The following TMED5 variants were observed in gnomAD, a reference collection of about 807,000 sequenced individuals.
The protein encoded by TMED5 is transmembrane emp24 domain-containing protein 5.
In TMED5, 27 loss-of-function variants were observed where a neutral mutation model predicts 23.0. The observed-to-expected ratio is 1.17, with a 90% CI of 0.86 to 1.62. TMED5 has a LOEUF of 1.62. TMED5 is among the 40% of genes most tolerant of loss of function. TMED5 has a pLI of 0.00. For synonymous variants in TMED5, 97 were observed against 100.8 expected (o/e 0.96, Z 0.23); for missense variants, 248 against 273.7 (o/e 0.91, Z 0.66).
In TMED5 at chr1:93,152,678, C is replaced by T. The variant is rs1375596964; in HGVS notation, c.*1992G>A. The T allele has an allele frequency of 6.6e-6, 1 of 152,566 alleles. No homozygotes were observed. The highest frequency in any genetic ancestry group is 2.4e-5 in the African/African-American group (1 of 41,396). The allele number at this position is 152,566 out of a possible 1,614,324, so 9.5% of individuals were successfully genotyped here. On this transcript the variant is annotated 3_prime_UTR_variant, in exon 4 of 4. Transcript: ENST00000370282. ...TCAGAGAGTACAGTACAGTAACAGC[C>T]ATACAGGAGAGGTAGAATTCTTAAT...
At position 93,154,583 on chromosome 1, in the gene TMED5, G is replaced by T; in HGVS notation, c.*87C>A. 3 of 831,514 alleles carry T rather than the reference G, an allele frequency of 3.6e-6. No homozygotes were observed. The highest frequency in any genetic ancestry group is 3.4e-5 in the South Asian group (2 of 58,788). 51.5% of individuals were successfully genotyped at this position (831,514 alleles called of 1,614,324 possible). ...CTACTTTTATATCTCAAAATATTTT[G>T]GAGAAGACCATTAATGGTCTTGACT... is the stretch of plus-strand genomic sequence containing the variant. On this transcript the variant is annotated 3_prime_UTR_variant, in exon 4 of 4. Coordinates refer to ENST00000370282, the MANE Select transcript of TMED5 (RefSeq NM_016040.5).
At chr1:93,164,954 G>A (rs1648437684) in intron 1 of TMED5, among the ~76,000 whole-genome samples, 1 of 152,184 alleles carries the variant, frequency 6.6e-6, no homozygotes, top group African/African-American at 2.4e-5. Context: ...CCTCTTACTT[G>A]CTCTGATGAA....
At chr1:93,160,060 T>A in intron 2 of TMED5, 69 bp downstream of exon 2, 3 of 904,290 alleles carry the variant, frequency 3.3e-6, no homozygotes, top group Non-Finnish European at 5.4e-6. Context: ...ATGTGCTAAC[T>A]TTCCATGCCC....
intron 3 of TMED5, among the ~76,000 whole-genome samples, chr1:93,155,341 A>G (rs891737170): frequency 2.0e-5 from 3 of 152,156 alleles, no homozygotes; most frequent in Non-Finnish European, 4.4e-5. Context: ...TACATTAGAG[A>G]TTCTCTGTAA....
intron 1 of TMED5, chr1:93,163,246 A>G (rs1381753202): frequency 6.6e-6 from 1 of 152,108 alleles, no homozygotes; most frequent in Non-Finnish European, 1.5e-5. Flanking sequence ...AGTAAAACAA[A>G]GTTAAAAAGC....
At position 93,169,663 on chromosome 1, in the gene TMED5, T is replaced by G. The variant is rs1648634848; in HGVS notation, c.190-9437A>C. 3.3e-5 allele frequency among the ~76,000 whole-genome samples: 5 copies of G among 150,068 alleles called. No homozygotes were observed. In the South Asian group the frequency reaches 1.0e-3, roughly 32 times the overall value. On this transcript the variant is annotated intron_variant, in intron 1 of 3. Coordinates refer to ENST00000370282, the MANE Select transcript of TMED5 (RefSeq NM_016040.5). ...ATCAATAAAACTAACAAACCTCTAG[T>G]CAGGCAAACCAAGAAAAAAAAGAGA...
At chr1:93,177,395 T>C (rs1232352451) in intron 1 of TMED5, among the ~76,000 whole-genome samples, 3 of 151,938 alleles carry the variant, frequency 2.0e-5, no homozygotes, top group Non-Finnish European at 4.4e-5. Flanking sequence ...CTGGCCAACA[T>C]AGTGAAACCC....
In TMED5 at chr1:93,151,895, C is replaced by T. The variant is rs546452165; in HGVS notation, c.*2775G>A. On this transcript the variant is annotated 3_prime_UTR_variant, in exon 4 of 4. Transcript: ENST00000370282. ...TATATACATATCAGTACTCACAATACGTTGCTTATTTAAGATGGCTGTTTA... is the reference window on the plus strand; with the variant it reads ...TATATACATATCAGTACTCACAATATGTTGCTTATTTAAGATGGCTGTTTA... 6 of 152,300 alleles carry T rather than the reference C, an allele frequency of 3.9e-5. No individual in the cohort carries two copies. Among genetic ancestry groups the T allele is most frequent in the South Asian group, 4.1e-4 (2 of 4,828 alleles). The allele number at this position is 152,300 out of a possible 1,614,324, so 9.4% of individuals were successfully genotyped here. A position where few individuals can be genotyped will look rare whatever the true frequency, so the allele number is the denominator to read the frequency against.
In TMED5 at chr1:93,152,632, A is replaced by G. The variant is rs1431791033; in HGVS notation, c.*2038T>C. 1 of 152,628 alleles carries G rather than the reference A, an allele frequency of 6.6e-6. No homozygotes were observed. The highest frequency in any genetic ancestry group is 2.4e-5 in the African/African-American group (1 of 41,454). 9.5% of individuals were successfully genotyped at this position (152,628 alleles called of 1,614,324 possible). On this transcript the variant is annotated 3_prime_UTR_variant, in exon 4 of 4. Coordinates refer to ENST00000370282, the MANE Select transcript of TMED5 (RefSeq NM_016040.5). Reference sequence around the variant, plus strand: ...CATACATGTAGAAGATTATGTAACAAATTCATTGTTAGGTAAGGAGTCAGA... The same window carrying G: ...CATACATGTAGAAGATTATGTAACAGATTCATTGTTAGGTAAGGAGTCAGA...
chr1:93,158,034 G>A (rs1245126829), intron 2 of TMED5, among the ~76,000 whole-genome samples: 1 of 147,608 alleles, frequency 6.8e-6, no homozygotes, highest in Non-Finnish European at 1.5e-5. Context: ...CGAGGCAGGA[G>A]AATGGCGTGA....
rs1557570526 is a variant in TMED5 at position 93,154,158 on chromosome 1, A to G, written c.*512T>C. ...TCAAAGCTATTATTCTATTTACATTATAGGAGAGATGCATATGTAAATAGA... is the reference window on the plus strand; with the variant it reads ...TCAAAGCTATTATTCTATTTACATTGTAGGAGAGATGCATATGTAAATAGA... On this transcript the variant is annotated 3_prime_UTR_variant, in exon 4 of 4. Coordinates refer to ENST00000370282, the MANE Select transcript of TMED5 (RefSeq NM_016040.5). 6.5e-6 allele frequency: 1 copy of G among 154,008 alleles called. No homozygotes were observed. 9.5% of individuals were successfully genotyped at this position (154,008 alleles called of 1,614,324 possible). A position where few individuals can be genotyped will look rare whatever the true frequency, so the allele number is the denominator to read the frequency against.
rs192817355 is a variant in TMED5 at position 93,179,052 on chromosome 1, A to C, written c.189+1002T>G. Among the ~76,000 whole-genome samples the C allele has an allele frequency of 8.1e-4, 123 of 152,298 alleles. 2 individuals carry two copies. The East Asian group carries it at 0.019, about 23-fold the overall frequency. ...TAAAATAAGGTAATTCCCAGCAAGA[A>C]TATTATGCAGATACTAAAAAGAAAA... is the stretch of plus-strand genomic sequence containing the variant. On this transcript the variant is annotated intron_variant, in intron 1 of 3. Transcript: ENST00000370282.
Position 93,159,698 on chromosome 1 carries a change from C to T in TMED5, c.287+431G>A, listed in dbSNP as rs112665208. ...TGAATAAAAAAAAAAAATTTACGTACACACAAAGATATACTGTCCTGTTTT... is the reference window on the plus strand; with the variant it reads ...TGAATAAAAAAAAAAAATTTACGTATACACAAAGATATACTGTCCTGTTTT... On this transcript the variant is annotated intron_variant, in intron 2 of 3. Transcript: ENST00000370282. 6.0e-3 allele frequency among the ~76,000 whole-genome samples: 902 copies of T among 151,574 alleles called. 9 individuals are homozygous for T. Among genetic ancestry groups the T allele is most frequent in the African/African-American group, 0.012 (494 of 41,360 alleles).
At position 93,154,692 on chromosome 1, in the gene TMED5, T is replaced by C. The variant is rs1647993878; in HGVS notation, c.668A>G (p.Asp223Gly). The change falls in exon 4 of 4, where the codon GAT becomes GGT. Residue 223 changes from aspartate to glycine, a missense_variant. Coordinates refer to ENST00000370282, the MANE Select transcript of TMED5 (RefSeq NM_016040.5). ...GTTTTAAGTTCTACTTTTCCTCTTA[T>C]CTTCAAACAGACTCTTCAGCATATA... ...QVYMLKSLFE[D>G]KRKSRT 1.9e-6 allele frequency: 3 copies of C among 1,613,660 alleles called. No individual in the cohort carries two copies. The highest frequency in any genetic ancestry group is 1.7e-6 in the Non-Finnish European group (2 of 1,179,914).
intron 1 of TMED5, among the ~76,000 whole-genome samples, chr1:93,174,544 A>G (rs1373515272): frequency 1.3e-5 from 2 of 152,146 alleles, no homozygotes; most frequent in African/African-American, 4.8e-5. Flanking sequence ...TAAACGTGTT[A>G]AAAACCACAA....
At chr1:93,178,648 A>G (rs892210383) in intron 1 of TMED5, among the ~76,000 whole-genome samples, 1 of 152,128 alleles carries the variant, frequency 6.6e-6, no homozygotes, top group African/African-American at 2.4e-5. Context: ...GTAAATGTTG[A>G]ACTTTTGAAC....
intron 1 of TMED5, among the ~76,000 whole-genome samples, chr1:93,170,340 C>T (rs1648675496): frequency 6.6e-6 from 1 of 152,234 alleles, no homozygotes; most frequent in Non-Finnish European, 1.5e-5. Context: ...TGGGCGTGGG[C>T]TCCGCGGCCC....
At chr1:93,163,720 A>C (rs1275358855) in intron 1 of TMED5, among the ~76,000 whole-genome samples, 1 of 150,212 alleles carries the variant, frequency 6.7e-6, no homozygotes, top group African/African-American at 2.4e-5. Flanking sequence ...TTACTCCCGT[A>C]GTCCCAGCAC....
intron 1 of TMED5, among the ~76,000 whole-genome samples, chr1:93,169,709 T>C (rs1453660574): frequency 3.3e-5 from 5 of 151,714 alleles, no homozygotes; most frequent in Non-Finnish European, 5.9e-5. Context: ...AACACTAATA[T>C]CAGAAATAAA....
Sources: gnomAD v4.1 joint callset for allele counts (sites outside exome capture counted in the v4.1 genomes callset) on GRCh38, gnomAD v4.1.1 for gene constraint, MANE v1.5 for transcripts, NCBI Gene and HGNC (gene_info 2026-07-23, HGNC 2026-07-21) for gene names.